The following HOMER1 variants were observed in gnomAD, a reference collection of about 807,000 sequenced individuals.
The protein encoded by HOMER1 is homer protein homolog 1.
Under a neutral mutation model 48.9 loss-of-function variants are expected in HOMER1, and 3 were observed. The observed-to-expected ratio is 0.06, with a 90% CI of 0.03 to 0.16. The LOEUF is 0.16. Among genes scored for constraint, HOMER1 ranks in the 10% least tolerant of loss-of-function variants. The pLI is 1.00. For missense variants in HOMER1, 247 were observed against 411.4 expected, an observed-to-expected ratio of 0.60 and a Z score of 3.46; for synonymous variants, 134 against 146.4, an observed-to-expected ratio of 0.92 and a Z score of 0.61.
intron 8 of HOMER1, among the ~76,000 whole-genome samples, chr5:79,382,526 A>C (rs906656732): frequency 1.3e-5 from 2 of 152,174 alleles, no homozygotes; most frequent in Non-Finnish European, 2.9e-5. Flanking sequence ...AAAACAAAAA[A>C]CAAAACTGCT....
chr5:79,428,727 GAAGA>G (rs1261706799), intron 5 of HOMER1, among the ~76,000 whole-genome samples: 1 of 151,992 alleles, frequency 6.6e-6, no homozygotes, highest in Non-Finnish European at 1.5e-5. Flanking sequence ...TTTAACAAAA[GAAGA>G]AAATCTATAC....
intron 1 of HOMER1, among the ~76,000 whole-genome samples, chr5:79,492,896 G>A (rs1317577953): frequency 1.5e-5 from 2 of 133,558 alleles, no homozygotes; most frequent in African/African-American, 2.7e-5. Context: ...TGAAGAAAAC[G>A]AAAACTTTGT....
At chr5:79,455,931 C>T (rs547450133) in intron 2 of HOMER1, among the ~76,000 whole-genome samples, 196 of 152,094 alleles carry the variant, frequency 1.3e-3, no homozygotes, top group African/African-American at 4.4e-3. Flanking sequence ...CTGAGGCAGA[C>T]AGATCGAGAG....
At chr5:79,392,657 C>A (rs1231244200) in intron 8 of HOMER1, among the ~76,000 whole-genome samples, 1 of 151,972 alleles carries the variant, frequency 6.6e-6, no homozygotes. Context: ...GTAGTGTAGT[C>A]TAAGTGCAGT....
At chr5:79,451,658 CG>C (rs1751032404) in intron 2 of HOMER1, among the ~76,000 whole-genome samples, 1 of 149,002 alleles carries the variant, frequency 6.7e-6, no homozygotes, top group African/African-American at 2.5e-5. Context: ...CTCCAACTCC[CG>C]GGTTCACGCC....
At chr5:79,418,886 C>T (rs936322153) in intron 5 of HOMER1, among the ~76,000 whole-genome samples, 5 of 152,134 alleles carry the variant, frequency 3.3e-5, no homozygotes, top group East Asian at 3.9e-4. Flanking sequence ...GAATGCCACA[C>T]AGAGATCACT....
chr5:79,478,020 G>A lies in HOMER1; in HGVS notation c.6-21002C>T, dbSNP rs536405138. Reference sequence around the variant, plus strand: ...TAAGTTATTATTTTCAGTTTTGCACGGACTATCAATTGTATTCATAATTAG... The same window carrying A: ...TAAGTTATTATTTTCAGTTTTGCACAGACTATCAATTGTATTCATAATTAG... On this transcript the variant is annotated intron_variant, in intron 1 of 8. Transcript: ENST00000334082. 2.6e-4 allele frequency among the ~76,000 whole-genome samples: 39 copies of A among 152,104 alleles called. 1 individual carries two copies. The South Asian group carries it at 6.9e-3, about 27-fold the overall frequency.
intron 1 of HOMER1, among the ~76,000 whole-genome samples, chr5:79,497,763 A>G (rs1324875232): frequency 6.6e-6 from 1 of 152,168 alleles, no homozygotes; most frequent in African/African-American, 2.4e-5. Context: ...CAAGCAAGCA[A>G]GCATGCTTCA....
chr5:79,397,707 C>A (rs1197521290), intron 6 of HOMER1, 70 bp from the exon 7 acceptor site: 6 of 812,916 alleles, frequency 7.4e-6, no homozygotes, highest in Non-Finnish European at 1.0e-5. Context: ...AATACATAGC[C>A]CCAAATAAGT....
At chr5:79,458,694 G>T (rs1011184741) in intron 1 of HOMER1, among the ~76,000 whole-genome samples, 1 of 152,042 alleles carries the variant, frequency 6.6e-6, no homozygotes, top group Non-Finnish European at 1.5e-5. Context: ...TCTCTTAAAA[G>T]AAAGTGATAT....
chr5:79,376,052 G>A lies in HOMER1; in HGVS notation c.1022C>T (p.Thr341Ile), dbSNP rs1244438736. The A allele has an allele frequency of 6.2e-7, 1 of 1,612,672 alleles. No individual in the cohort carries two copies. The highest frequency in any genetic ancestry group is 2.2e-5 in the East Asian group (1 of 44,832). ...EILDGKIFELTELRDNLAKLL... is the reference protein window; with the variant it reads ...EILDGKIFELIELRDNLAKLL... ...CTTGGCCAAGTTATCTCGTAATTCT[G>A]TTAGTTCAAATATCTTTCCATCCAG... The change falls in exon 9 of 9, where the codon ACA (threonine) becomes ATA (isoleucine). Residue 341 changes from threonine to isoleucine, a missense_variant. By Grantham distance (89) the Thr-to-Ile change is moderately conservative. Transcript: ENST00000334082.
At chr5:79,404,786 C>T (rs114647894) in intron 5 of HOMER1, among the ~76,000 whole-genome samples, 1,602 of 152,184 alleles carry the variant, frequency 0.011, 29 homozygotes, top group African/African-American at 0.037. Context: ...CTCATGCAAC[C>T]TCCGCCTTCC....
At chr5:79,471,002 C>A (rs1456704558) in intron 1 of HOMER1, among the ~76,000 whole-genome samples, 1 of 152,070 alleles carries the variant, frequency 6.6e-6, no homozygotes, top group Non-Finnish European at 1.5e-5. Flanking sequence ...CCAGAATGAT[C>A]CTTCTAAAAA....
chr5:79,469,303 G>C (rs578241142), intron 1 of HOMER1, among the ~76,000 whole-genome samples: 4 of 152,142 alleles, frequency 2.6e-5, no homozygotes, highest in Non-Finnish European at 5.9e-5. Flanking sequence ...TGTTAAACTA[G>C]ACGTCAAAAA....
At chr5:79,436,553 C>T (rs558192686) in intron 5 of HOMER1, among the ~76,000 whole-genome samples, 1 of 152,232 alleles carries the variant, frequency 6.6e-6, no homozygotes, top group East Asian at 1.9e-4. Flanking sequence ...ATATAGTCAG[C>T]GCACACACAT....
At chr5:79,495,787 C>A (rs1047361085) in intron 1 of HOMER1, among the ~76,000 whole-genome samples, 2 of 152,156 alleles carry the variant, frequency 1.3e-5, no homozygotes, top group African/African-American at 4.8e-5. Flanking sequence ...TTTTAGAAAG[C>A]CAACACTTTA....
At chr5:79,385,331 A>T (rs1749081780) in intron 8 of HOMER1, among the ~76,000 whole-genome samples, 1 of 152,184 alleles carries the variant, frequency 6.6e-6, no homozygotes, top group South Asian at 2.1e-4. Flanking sequence ...GAATGGGAGA[A>T]ACTACTTGCA....
At chr5:79,407,444 AAAG>A (rs1297065278) in intron 5 of HOMER1, among the ~76,000 whole-genome samples, 1 of 152,252 alleles carries the variant, frequency 6.6e-6, no homozygotes, top group Non-Finnish European at 1.5e-5. Flanking sequence ...GTGTTAGTGG[AAAG>A]AAGGACATCA....
At chr5:79,435,878 G>C in intron 5 of HOMER1, among the ~76,000 whole-genome samples, 1 of 150,188 alleles carries the variant, frequency 6.7e-6, no homozygotes, top group African/African-American at 2.5e-5. Context: ...TGTAATCCCA[G>C]CACTTTGGGA....
Sources: gnomAD v4.1 joint callset for allele counts (sites outside exome capture counted in the v4.1 genomes callset) on GRCh38, gnomAD v4.1.1 for gene constraint, MANE v1.5 for transcripts, NCBI Gene and HGNC (gene_info 2026-07-23, HGNC 2026-07-21) for gene names.